TNKS: variants seen among roughly 807,000 people sequenced by gnomAD.
The protein encoded by TNKS is tankyrase.
In TNKS, 72 loss-of-function variants were observed where a neutral mutation model predicts 135.8. That is an observed-to-expected ratio of 0.53 (90% CI 0.44 to 0.64). TNKS has a LOEUF of 0.64. TNKS is among the 30% of genes least tolerant of loss of function. The pLI is 0.00. For missense variants in TNKS, 1,769 were observed against 1,674.0 expected, an observed-to-expected ratio of 1.06 and a Z score of -0.99; for synonymous variants, 849 against 649.3, an observed-to-expected ratio of 1.31 and a Z score of -4.68.
At chr8:9,616,149 C>T (rs1341445803) in intron 3 of TNKS, among the ~76,000 whole-genome samples, 2 of 152,154 alleles carry the variant, frequency 1.3e-5, no homozygotes, top group Non-Finnish European at 2.9e-5. Flanking sequence ...CATATGTTTT[C>T]ACTTTTACCA....
At chr8:9,776,269 A>T (rs1808221840) in intron 26 of TNKS, among the ~76,000 whole-genome samples, 1 of 152,058 alleles carries the variant, frequency 6.6e-6, no homozygotes, top group Admixed American at 6.5e-5. Flanking sequence ...ATTCAGCAAA[A>T]TTTTTCTTTC....
At position 9,619,260 on chromosome 8, in the gene TNKS, A is replaced by G. The variant is rs56084947; in HGVS notation, c.994+3583A>G. Among the ~76,000 whole-genome samples the G allele has an allele frequency of 4.3e-3, 648 of 152,278 alleles. 2 individuals are homozygous for G. The highest frequency in any genetic ancestry group is 0.015 in the African/African-American group (608 of 41,538). ...TTATGGGAGAGCCACATTTAAGTTA[A>G]AGGTGGTTGACAAAGGGAATGTTTG... On this transcript the variant is annotated intron_variant, in intron 3 of 26. Transcript: ENST00000310430.
At position 9,638,123 on chromosome 8, in the gene TNKS, C is replaced by G. The variant is rs532002588; in HGVS notation, c.994+22446C>G. ...CCAAGTAGCTAAGACTATGGGCGTA[C>G]GCCACTATAACTAGCTAACTTTTTT... On this transcript the variant is annotated intron_variant, in intron 3 of 26. Coordinates refer to ENST00000310430, the MANE Select transcript of TNKS (RefSeq NM_003747.3). Among the ~76,000 whole-genome samples, 15 of 152,266 alleles carry G rather than the reference C, an allele frequency of 9.9e-5. No homozygotes were observed. In the East Asian group the frequency reaches 2.9e-3, roughly 29 times the overall value.
At chr8:9,657,244 G>C (rs1212502389) in intron 3 of TNKS, among the ~76,000 whole-genome samples, 9 of 119,938 alleles carry the variant, frequency 7.5e-5, no homozygotes, top group Admixed American at 2.4e-4. Context: ...CTGGCCGGGC[G>C]GGGGGCCGAC....
intron 1 of TNKS, among the ~76,000 whole-genome samples, chr8:9,561,796 G>A (rs1797339007): frequency 6.6e-6 from 1 of 152,038 alleles, no homozygotes; most frequent in Admixed American, 6.6e-5. Context: ...CAAAGTATAT[G>A]TACCATTTTA....
chr8:9,581,884 A>G (rs1052347877), intron 2 of TNKS, among the ~76,000 whole-genome samples: 2 of 152,076 alleles, frequency 1.3e-5, no homozygotes, highest in Admixed American at 6.5e-5. Context: ...TCTAGGTTCT[A>G]TTGAAATAAA....
At chr8:9,677,501 A>T (rs1224177203) in intron 3 of TNKS, among the ~76,000 whole-genome samples, 1 of 152,160 alleles carries the variant, frequency 6.6e-6, no homozygotes, top group Non-Finnish European at 1.5e-5. Flanking sequence ...AAATTTCAAT[A>T]GTAGCTACTT....
intron 1 of TNKS, chr8:9,557,518 C>G (rs1027312331): frequency 6.6e-6 from 1 of 151,416 alleles, no homozygotes; most frequent in Non-Finnish European, 1.5e-5. Context: ...TGCCTGGATA[C>G]CTATTGTTGA....
chr8:9,624,961 T>C (rs996346225), intron 3 of TNKS, among the ~76,000 whole-genome samples: 4 of 152,144 alleles, frequency 2.6e-5, no homozygotes, highest in Non-Finnish European at 4.4e-5. Context: ...TTTAAATCTG[T>C]AGTTGCTTGA....
At chr8:9,708,214 C>T (rs1804142973) in intron 8 of TNKS, among the ~76,000 whole-genome samples, 157 bp from the exon 9 acceptor site, 1 of 152,150 alleles carries the variant, frequency 6.6e-6, no homozygotes, top group South Asian at 2.1e-4. Context: ...TCTACATCCT[C>T]ATCTTTTGCA....
intron 9 of TNKS, 35 bp downstream of exon 9, chr8:9,708,527 A>C (rs565976993): frequency 5.3e-6 from 8 of 1,500,206 alleles, no homozygotes; most frequent in Non-Finnish European, 7.1e-6. Flanking sequence ...CCCTGTGTCT[A>C]TAATAATAAC....
At position 9,598,729 on chromosome 8, in the gene TNKS, G is replaced by GTGTGTGTGTGTGTGTGTGTC. The variant is rs777986624; in HGVS notation, c.899-16848_899-16847insGTGTGTGTGTGTGTCTGTGT. Among the ~76,000 whole-genome samples, 5 of 123,526 alleles carry GTGTGTGTGTGTGTGTGTGTC rather than the reference G, an allele frequency of 4.0e-5. No homozygotes were observed. The East Asian group carries it at 7.4e-4, about 18-fold the overall frequency. 81.0% of individuals were successfully genotyped at this position (123,526 alleles called of 152,430 possible). On this transcript the variant is annotated intron_variant, in intron 2 of 26. Coordinates refer to ENST00000310430, the MANE Select transcript of TNKS (RefSeq NM_003747.3). ...TATGTGTGTGTGTGTGTGTGTGTGT[G>GTGTGTGTGTGTGTGTGTGTC]TGTGTCTGTGTGTGTATATATGTAT...
At chr8:9,593,074 A>G (rs1798645513) in intron 2 of TNKS, among the ~76,000 whole-genome samples, 2 of 152,228 alleles carry the variant, frequency 1.3e-5, no homozygotes, top group Admixed American at 6.5e-5. Context: ...CTTACAGATT[A>G]AACCCATGAA....
intron 3 of TNKS, among the ~76,000 whole-genome samples, chr8:9,679,600 A>C (rs1042105994): frequency 6.6e-6 from 1 of 152,158 alleles, no homozygotes; most frequent in African/African-American, 2.4e-5. Flanking sequence ...CTTCCCAAGT[A>C]TACTGTGACA....
At chr8:9,559,097 C>G (rs934636193) in intron 1 of TNKS, among the ~76,000 whole-genome samples, 1 of 152,168 alleles carries the variant, frequency 6.6e-6, no homozygotes, top group African/African-American at 2.4e-5. Context: ...GTGTTAAATA[C>G]TGACACAATT....
intron 3 of TNKS, among the ~76,000 whole-genome samples, chr8:9,623,099 A>C (rs1210212843): frequency 6.6e-6 from 1 of 152,178 alleles, no homozygotes; most frequent in East Asian, 1.9e-4. Flanking sequence ...GTATTCACCT[A>C]TTTTCAGACT....
rs7825074 is a variant in TNKS at position 9,717,101 on chromosome 8, A to T, written c.1750-3273A>T. On this transcript the variant is annotated intron_variant, in intron 11 of 26. Transcript: ENST00000310430. ...TATATATATATATATATATATATAT[A>T]TTTTCAGGGAATTTGATTGTTTCTT... 2.5e-3 allele frequency among the ~76,000 whole-genome samples: 304 copies of T among 119,270 alleles called. 5 individuals carry two copies. The highest frequency in any genetic ancestry group is 6.9e-3 in the African/African-American group (239 of 34,572). The allele number at this position is 119,270 out of a possible 152,430, so 78.2% of individuals were successfully genotyped here.
At chr8:9,618,672 T>A (rs1432078389) in intron 3 of TNKS, among the ~76,000 whole-genome samples, 1 of 152,228 alleles carries the variant, frequency 6.6e-6, no homozygotes, top group Non-Finnish European at 1.5e-5. Flanking sequence ...ATAAATTTTT[T>A]AAAGTAACAT....
At chr8:9,565,413 T>C (rs937808764) in intron 1 of TNKS, among the ~76,000 whole-genome samples, 2 of 152,216 alleles carry the variant, frequency 1.3e-5, no homozygotes, top group East Asian at 3.8e-4. Context: ...TATTTTTTCT[T>C]CTTTGGTATA....
Sources: allele counts gnomAD v4.1 joint callset (sites outside exome capture counted in the v4.1 genomes callset), GRCh38; gene constraint gnomAD v4.1.1; transcripts MANE v1.5; gene names NCBI Gene and HGNC (gene_info 2026-07-23, HGNC 2026-07-21).